Variants in CACNA2D1 observed in about 807,000 individuals in gnomAD.
CACNA2D1 encodes calcium voltage-gated channel auxiliary subunit alpha2delta 1, also known as voltage-dependent calcium channel subunit alpha-2/delta-1.
CACNA2D1 carries 53 observed loss-of-function variants against 171.5 expected under a neutral mutation model. That is an observed-to-expected ratio of 0.31 (90% CI 0.25 to 0.39). CACNA2D1 has a LOEUF of 0.39. Among genes scored for constraint, CACNA2D1 ranks in the 10% least tolerant of loss-of-function variants. The probability of loss-of-function intolerance (pLI) is 1.00; values close to 1 mark genes in which losing one functional copy is unlikely to be tolerated. For synonymous variants in CACNA2D1, 442 were observed against 443.1 expected (o/e 1.00, Z 0.03); for missense variants, 903 against 1,299.8 (o/e 0.69, Z 4.69).
intron 1 of CACNA2D1, among the ~76,000 whole-genome samples, chr7:82,396,271 C>T (rs1825750987): frequency 6.6e-6 from 1 of 151,982 alleles, no homozygotes; most frequent in Non-Finnish European, 1.5e-5. Flanking sequence ...ATCGCCTGAG[C>T]CCAGGAGTTT....
chr7:82,442,771 G>C (rs2129460211), intron 1 of CACNA2D1, among the ~76,000 whole-genome samples: 1 of 152,308 alleles, frequency 6.6e-6, no homozygotes, highest in South Asian at 2.1e-4. Context: ...CGTGGTCCCA[G>C]TACCTGCGAG....
chr7:82,014,577 C>T (rs1800194796), intron 12 of CACNA2D1, 98 bp from the exon 13 acceptor site: 2 of 727,448 alleles, frequency 2.7e-6, no homozygotes, highest in Admixed American at 4.1e-5. Context: ...GAGTGCTTTC[C>T]AGTTGAATGA....
intron 7 of CACNA2D1, among the ~76,000 whole-genome samples, chr7:82,082,658 T>C (rs896012863): frequency 1.3e-5 from 2 of 151,050 alleles, no homozygotes; most frequent in Non-Finnish European, 2.9e-5. Flanking sequence ...GACTTATAGC[T>C]AGGCTTTAAA....
chr7:82,153,504 A>G (rs1794061061), intron 4 of CACNA2D1, among the ~76,000 whole-genome samples: 1 of 152,066 alleles, frequency 6.6e-6, no homozygotes, highest in Non-Finnish European at 1.5e-5. Flanking sequence ...TCATGGAAAC[A>G]TTTTTCTCCA....
chr7:82,240,355 C>G (rs73164240), intron 3 of CACNA2D1, among the ~76,000 whole-genome samples: 20 of 152,324 alleles, frequency 1.3e-4, no homozygotes, highest in Non-Finnish European at 2.2e-4. Flanking sequence ...CTTCTCCATT[C>G]TGCCATCATA....
At chr7:82,019,693 T>G (rs1246921254) in intron 12 of CACNA2D1, among the ~76,000 whole-genome samples, 3 of 152,164 alleles carry the variant, frequency 2.0e-5, no homozygotes, top group African/African-American at 7.2e-5. Flanking sequence ...CCATAGGAAT[T>G]TGTTTCCCAG....
At chr7:82,370,852 T>C (rs1298473325) in intron 1 of CACNA2D1, among the ~76,000 whole-genome samples, 2 of 152,136 alleles carry the variant, frequency 1.3e-5, no homozygotes, top group Admixed American at 6.6e-5. Context: ...AAATACGCAG[T>C]AGTTCAAATA....
intron 3 of CACNA2D1, among the ~76,000 whole-genome samples, chr7:82,194,286 C>T (rs1321496650): frequency 1.3e-5 from 2 of 151,956 alleles, no homozygotes; most frequent in Non-Finnish European, 2.9e-5. Flanking sequence ...GTCTCAACCC[C>T]ACCCTTGAAG....
rs184536635 is a variant in CACNA2D1 at position 82,224,717 on chromosome 7, G to A, written c.295-54108C>T. 6.6e-5 allele frequency among the ~76,000 whole-genome samples: 10 copies of A among 152,278 alleles called. No individual in the cohort carries two copies. The East Asian group carries it at 1.7e-3, about 26-fold the overall frequency. On this transcript the variant is annotated intron_variant, in intron 3 of 38. Transcript: ENST00000356860. Reference sequence around the variant, plus strand: ...TGAACTGCTCCTGTTCATCAATCATGTAGTGGCTGTTTACTCGTCCCCAGG... The same window carrying A: ...TGAACTGCTCCTGTTCATCAATCATATAGTGGCTGTTTACTCGTCCCCAGG...
chr7:82,045,556 T>C (rs1017780567), intron 10 of CACNA2D1, among the ~76,000 whole-genome samples: 7 of 152,228 alleles, frequency 4.6e-5, no homozygotes, highest in Admixed American at 6.5e-5. Flanking sequence ...AATTTGTTTT[T>C]ACAAATAGCG....
chr7:82,341,639 T>C (rs1194027664), intron 2 of CACNA2D1, among the ~76,000 whole-genome samples: 4 of 152,176 alleles, frequency 2.6e-5, no homozygotes, highest in Non-Finnish European at 4.4e-5. Flanking sequence ...GGCTGCTGGG[T>C]AAAGAACTAA....
chr7:82,435,453 C>T (rs1830041455), intron 1 of CACNA2D1, among the ~76,000 whole-genome samples: 1 of 152,172 alleles, frequency 6.6e-6, no homozygotes, highest in South Asian at 2.1e-4. Flanking sequence ...CCTGTGTTCT[C>T]TAGCCTACAA....
At chr7:82,200,782 T>C (rs1418842230) in intron 3 of CACNA2D1, among the ~76,000 whole-genome samples, 1 of 152,114 alleles carries the variant, frequency 6.6e-6, no homozygotes, top group East Asian at 1.9e-4. Flanking sequence ...CCAGGAGAAA[T>C]GATATGTGTG....
At chr7:82,334,371 G>C (rs533120572) in intron 3 of CACNA2D1, among the ~76,000 whole-genome samples, 6 of 152,118 alleles carry the variant, frequency 3.9e-5, no homozygotes, top group African/African-American at 1.4e-4. Context: ...TAGGAGACTT[G>C]TTCAAGAAAA....
chr7:82,370,548 GGGATGGATGGAT>G (rs372328517), intron 1 of CACNA2D1, among the ~76,000 whole-genome samples: 4 of 73,022 alleles, frequency 5.5e-5, no homozygotes, highest in African/African-American at 1.2e-4. Context: ...GGTAAATGGA[GGGATGGATGGAT>G]GGATGGATGG....
intron 1 of CACNA2D1, among the ~76,000 whole-genome samples, chr7:82,366,696 C>CG (rs1382779870): frequency 1.3e-5 from 2 of 152,108 alleles, no homozygotes; most frequent in Non-Finnish European, 2.9e-5. Flanking sequence ...GTGTATTTGT[C>CG]TCTTTGGCAG....
chr7:82,144,841 A>C (rs1055541856), intron 4 of CACNA2D1, among the ~76,000 whole-genome samples: 16 of 152,050 alleles, frequency 1.1e-4, no homozygotes, highest in Admixed American at 8.5e-4. Flanking sequence ...GCATGCTTGA[A>C]TATCAGAGTT....
chr7:82,105,432 G>T (rs1273510774), intron 6 of CACNA2D1, among the ~76,000 whole-genome samples: 2 of 139,698 alleles, frequency 1.4e-5, no homozygotes, highest in Non-Finnish European at 3.1e-5. Flanking sequence ...TAGCTTTGAG[G>T]TGGAGCTGAA....
intron 1 of CACNA2D1, among the ~76,000 whole-genome samples, chr7:82,415,158 G>A (rs947873449): frequency 6.6e-6 from 1 of 152,148 alleles, no homozygotes; most frequent in Non-Finnish European, 1.5e-5. Flanking sequence ...GAAGAGTACA[G>A]GAAGACACAT....
Sources: allele counts gnomAD v4.1 joint callset (sites outside exome capture counted in the v4.1 genomes callset), GRCh38; gene constraint gnomAD v4.1.1; transcripts MANE v1.5; gene names NCBI Gene and HGNC (gene_info 2026-07-23, HGNC 2026-07-21).